The following CNTNAP2 variants were observed in gnomAD, a reference collection of about 807,000 sequenced individuals.
The protein encoded by CNTNAP2 is contactin associated protein 2.
Under a neutral mutation model 155.2 loss-of-function variants are expected in CNTNAP2, and 98 were observed. That is an observed-to-expected ratio of 0.63 (90% CI 0.54 to 0.75). The LOEUF is 0.75. Ranked by LOEUF, CNTNAP2 falls within the 30% of genes least tolerant of loss-of-function variation. CNTNAP2 has a pLI of 0.00. For missense variants in CNTNAP2, 1,727 were observed against 1,688.1 expected, an observed-to-expected ratio of 1.02 and a Z score of -0.40; for synonymous variants, 651 against 631.2, an observed-to-expected ratio of 1.03 and a Z score of -0.47.
chr7:146,444,765 C>G (rs537126400), intron 1 of CNTNAP2, among the ~76,000 whole-genome samples: 1 of 151,492 alleles, frequency 6.6e-6, no homozygotes, highest in South Asian at 2.1e-4. Flanking sequence ...TCAAGCGATT[C>G]TCCTCCCTCA....
At chr7:146,790,875 G>T (rs1289985607) in intron 2 of CNTNAP2, among the ~76,000 whole-genome samples, 1 of 151,606 alleles carries the variant, frequency 6.6e-6, no homozygotes, top group Non-Finnish European at 1.5e-5. Context: ...GGCCGATTTG[G>T]TCAGTGATTT....
Position 147,227,559 on chromosome 7 carries a change from G to A in CNTNAP2, c.1349-72582G>A, listed in dbSNP as rs377439358. On this transcript the variant is annotated intron_variant, in intron 8 of 23. Coordinates refer to ENST00000361727, the MANE Select transcript of CNTNAP2 (RefSeq NM_014141.6). ...AAGGAAGTGGTTGGACTCTGAATAC[G>A]ACGTGTTAACAGATGGACGAAAGGG... Among the ~76,000 whole-genome samples, 258 of 152,238 alleles carry A rather than the reference G, an allele frequency of 1.7e-3. 5 individuals are homozygous for A. The Middle Eastern group carries it at 0.024, about 14-fold the overall frequency.
intron 1 of CNTNAP2, among the ~76,000 whole-genome samples, chr7:146,246,558 C>T (rs1189746475): frequency 1.3e-5 from 2 of 150,814 alleles, no homozygotes; most frequent in Non-Finnish European, 2.9e-5. Flanking sequence ...AAGAAGGGGA[C>T]AGACTTACCC....
At position 147,187,482 on chromosome 7, in the gene CNTNAP2, G is replaced by A. The variant is rs1802589848; in HGVS notation, c.1348+54973G>A. On this transcript the variant is annotated intron_variant, in intron 8 of 23. Transcript: ENST00000361727. ...TGAAGCAACATGGATGTAGCTGGAG[G>A]CCATTATGCTAAGTGAACTAACCTA... Among the ~76,000 whole-genome samples, 6 of 152,092 alleles carry A rather than the reference G, an allele frequency of 3.9e-5. No individual in the cohort carries two copies. In the South Asian group the frequency reaches 1.2e-3, roughly 32 times the overall value.
chr7:147,602,662 C>G (rs1375058409), intron 12 of CNTNAP2, among the ~76,000 whole-genome samples: 1 of 151,202 alleles, frequency 6.6e-6, no homozygotes, highest in Non-Finnish European at 1.5e-5. Context: ...ACAACAGGCC[C>G]CAGAGTGTGA....
intron 1 of CNTNAP2, among the ~76,000 whole-genome samples, chr7:146,676,105 C>T (rs74872628): frequency 0.018 from 2,670 of 152,040 alleles, 87 homozygotes; most frequent in African/African-American, 0.06. Flanking sequence ...TCTAAAATAT[C>T]GTTCTGTAAT....
At chr7:146,355,489 A>G (rs1584885794) in intron 1 of CNTNAP2, among the ~76,000 whole-genome samples, 1 of 152,172 alleles carries the variant, frequency 6.6e-6, no homozygotes, top group African/African-American at 2.4e-5. Flanking sequence ...CATGTTACTC[A>G]TGGGTGTTGG....
At chr7:147,117,107 T>C (rs1469411483) in intron 5 of CNTNAP2, among the ~76,000 whole-genome samples, 1 of 152,176 alleles carries the variant, frequency 6.6e-6, no homozygotes, top group Admixed American at 6.5e-5. Context: ...TTCGGCTCCC[T>C]GGATTCTGCC....
At chr7:147,494,535 TG>T (rs1414225937) in intron 11 of CNTNAP2, among the ~76,000 whole-genome samples, 1 of 149,934 alleles carries the variant, frequency 6.7e-6, no homozygotes, top group Non-Finnish European at 1.5e-5. Flanking sequence ...AAAGACATGC[TG>T]TGATCCTATG....
At chr7:147,218,008 T>C (rs1372197581) in intron 8 of CNTNAP2, among the ~76,000 whole-genome samples, 1 of 152,022 alleles carries the variant, frequency 6.6e-6, no homozygotes, top group Non-Finnish European at 1.5e-5. Flanking sequence ...ATTTCTAATA[T>C]TAGTAATTTA....
rs4016062 is a variant in CNTNAP2 at position 146,594,433 on chromosome 7, T to TACACACACACAC, written c.98-179825_98-179814dup. On this transcript the variant is annotated intron_variant, in intron 1 of 23. Coordinates refer to ENST00000361727, the MANE Select transcript of CNTNAP2 (RefSeq NM_014141.6). ...TATAACTGATTTTCTTACTAGTGTT[T>TACACACACACAC]ACACACACACACACACACACACACT... is the stretch of plus-strand genomic sequence containing the variant. Among the ~76,000 whole-genome samples, 815 of 149,446 alleles carry TACACACACACAC rather than the reference T, an allele frequency of 5.5e-3. 8 individuals are homozygous for TACACACACACAC. Among genetic ancestry groups the TACACACACACAC allele is most frequent in the African/African-American group, 0.015 (631 of 40,876 alleles).
intron 15 of CNTNAP2, among the ~76,000 whole-genome samples, chr7:148,024,157 T>TAAAAAAAAAAAAAAAA (rs34591496): frequency 9.3e-6 from 1 of 107,630 alleles, no homozygotes; most frequent in African/African-American, 3.6e-5. Flanking sequence ...CTTTAAAGTG[T>TAAAAAAAAAAAAAAAA]AAAAAAAAAA....
chr7:146,536,735 C>T (rs1797874945), intron 1 of CNTNAP2, among the ~76,000 whole-genome samples: 1 of 152,070 alleles, frequency 6.6e-6, no homozygotes, highest in Non-Finnish European at 1.5e-5. Flanking sequence ...CATCTCTAGT[C>T]ACGTTGCGTG....
At chr7:146,781,051 A>T (rs985536109) in intron 2 of CNTNAP2, among the ~76,000 whole-genome samples, 3 of 151,806 alleles carry the variant, frequency 2.0e-5, no homozygotes, top group African/African-American at 7.3e-5. Context: ...ACGTGGTGAA[A>T]TCCCGTCTCT....
Position 147,632,824 on chromosome 7 carries a change from T to A in CNTNAP2, c.1898-6282T>A, listed in dbSNP as rs558307669. ...ATGGTTTTGACCAAAATGCTGATAGTGATATGGACAATGAAGTCTAGTCTG... is the reference window on the plus strand; with the variant it reads ...ATGGTTTTGACCAAAATGCTGATAGAGATATGGACAATGAAGTCTAGTCTG... On this transcript the variant is annotated intron_variant, in intron 12 of 23. Coordinates refer to ENST00000361727, the MANE Select transcript of CNTNAP2 (RefSeq NM_014141.6). 2.6e-5 allele frequency among the ~76,000 whole-genome samples: 4 copies of A among 152,228 alleles called. No homozygotes were observed. In the Middle Eastern group the frequency reaches 0.01, roughly 388 times the overall value.
At chr7:148,066,581 T>G (rs1426699014) in intron 15 of CNTNAP2, among the ~76,000 whole-genome samples, 1 of 152,082 alleles carries the variant, frequency 6.6e-6, no homozygotes, top group Non-Finnish European at 1.5e-5. Context: ...CACTGCAAGC[T>G]CCACCTCCTG....
intron 22 of CNTNAP2, among the ~76,000 whole-genome samples, chr7:148,389,313 A>G (rs1799292293): frequency 6.6e-6 from 1 of 152,142 alleles, no homozygotes; most frequent in Non-Finnish European, 1.5e-5. Flanking sequence ...GTGACAGTGA[A>G]TAAGTCTCAC....
intron 15 of CNTNAP2, among the ~76,000 whole-genome samples, chr7:148,002,739 A>G (rs936495822): frequency 5.3e-5 from 8 of 152,116 alleles, no homozygotes. Context: ...AAGCTCATTC[A>G]CTGGTGGGCA....
At chr7:146,322,634 C>CTCTTTTTTTTTTTTTTTT (rs748751758) in intron 1 of CNTNAP2, among the ~76,000 whole-genome samples, 1 of 64,964 alleles carries the variant, frequency 1.5e-5, no homozygotes. Flanking sequence ...TGTTCATTCT[C>CTCTTTTTTTTTTTTTTTT]TTTTTTTTTT....
Sources: gnomAD v4.1 joint callset for allele counts (sites outside exome capture counted in the v4.1 genomes callset) on GRCh38, gnomAD v4.1.1 for gene constraint, MANE v1.5 for transcripts, NCBI Gene and HGNC (gene_info 2026-07-23, HGNC 2026-07-21) for gene names.